PDE6B: variants seen among roughly 807,000 people sequenced by gnomAD.
PDE6B encodes the protein phosphodiesterase 6B.
Under a neutral mutation model 109.0 loss-of-function variants are expected in PDE6B, and 106 were observed. The ratio of observed to expected loss-of-function variants is 0.97; its 90% CI spans 0.83 to 1.14. PDE6B has a LOEUF of 1.14. Ranked by LOEUF, PDE6B falls within the 50% of genes most tolerant of loss-of-function variation. The probability of loss-of-function intolerance (pLI) is 0.00; values close to 1 mark genes in which losing one functional copy is unlikely to be tolerated. For synonymous variants in PDE6B, 490 were observed against 471.3 expected (o/e 1.04, Z -0.51); for missense variants, 1,193 against 1,155.6 (o/e 1.03, Z -0.47).
intron 3 of PDE6B, among the ~76,000 whole-genome samples, chr4:644,271 T>C (rs1237084227): frequency 6.6e-6 from 1 of 151,984 alleles, no homozygotes; most frequent in Admixed American, 6.6e-5. Flanking sequence ...TATTTGGAAG[T>C]GTGTTGTTAA....
At chr4:654,268 C>T (rs750688540) in intron 5 of PDE6B, 114 bp downstream of exon 5, 3 of 927,014 alleles carry the variant, frequency 3.2e-6, no homozygotes, top group Non-Finnish European at 5.1e-6. Context: ...TGGGAACTGG[C>T]CGGTGGGACC....
chr4:637,747 T>C (rs1296905907), intron 3 of PDE6B, among the ~76,000 whole-genome samples: 2 of 152,220 alleles, frequency 1.3e-5, no homozygotes, highest in African/African-American at 2.4e-5. Context: ...GTCCCCTGCG[T>C]GTGCGCAGAG....
In PDE6B at chr4:654,806, G is replaced by GTGTCTTCTGCTTCTCAGGACAT; in HGVS notation, c.929_930insCATTGTCTTCTGCTTCTCAGGA. On this transcript the variant is annotated splice_polypyrimidine_tract_variant and intron_variant, in intron 5 of 21. Coordinates refer to ENST00000496514, the MANE Select transcript of PDE6B (RefSeq NM_000283.4). The stretch of plus-strand genomic sequence containing the variant: ...GCTTGGCCAGGCAGCCCCCCGACCA[G>GTGTCTTCTGCTTCTCAGGACAT]TGTCTTCTGCTTCTCAGGAAATTGT... 1 of 1,412,084 alleles carries GTGTCTTCTGCTTCTCAGGACAT rather than the reference G, an allele frequency of 7.1e-7. No individual in the cohort carries two copies. 87.5% of individuals were successfully genotyped at this position (1,412,084 alleles called of 1,614,324 possible).
At chr4:649,308 A>G (rs1287507229) in intron 3 of PDE6B, among the ~76,000 whole-genome samples, 3 of 152,134 alleles carry the variant, frequency 2.0e-5, no homozygotes, top group African/African-American at 7.2e-5. Context: ...ATGCCTGAGG[A>G]TTCAACAACC....
At chr4:664,807 A>C in intron 17 of PDE6B, 74 bp from the exon 18 acceptor site, 1 of 1,200,332 alleles carries the variant, frequency 8.3e-7, no homozygotes, top group Non-Finnish European at 1.2e-6. Context: ...CTCCATCTCA[A>C]AAAAGAAAAC....
At chr4:643,018 G>T (rs1409523193) in intron 3 of PDE6B, among the ~76,000 whole-genome samples, 1 of 151,820 alleles carries the variant, frequency 6.6e-6, no homozygotes, top group East Asian at 1.9e-4. Context: ...TAAGAATTTT[G>T]GCATCTATAA....
At chr4:649,339 G>T (rs941985290) in intron 3 of PDE6B, among the ~76,000 whole-genome samples, 3 of 152,180 alleles carry the variant, frequency 2.0e-5, no homozygotes, top group Non-Finnish European at 2.9e-5. Flanking sequence ...AGCTCACCAT[G>T]AGATGAAGCC....
rs1392709495 is a variant in PDE6B at position 656,926 on chromosome 4, C to T, written c.1160C>T (p.Pro387Leu). Residue 387 changes from proline (P) to leucine (L), a missense_variant, in exon 9 of 22, where the codon CCC becomes CTC. Physicochemically the swap from Pro to Leu is moderately conservative, Grantham distance 98. Coordinates refer to ENST00000496514, the MANE Select transcript of PDE6B (RefSeq NM_000283.4). ...CTCATCAAGAATGTGCTGTCCATGCCCATCGTCAACAAGAAGGAGGAGATT... is the reference window on the plus strand; with the variant it reads ...CTCATCAAGAATGTGCTGTCCATGCTCATCGTCAACAAGAAGGAGGAGATT... Reference protein sequence around the residue: ...GWLIKNVLSMPIVNKKEEIVG... With the variant: ...GWLIKNVLSMLIVNKKEEIVG... The T allele has an allele frequency of 6.2e-7, 1 of 1,612,900 alleles. No homozygotes were observed. The highest frequency in any genetic ancestry group is 1.1e-5 in the South Asian group (1 of 91,090).
chr4:642,551 C>T (rs527488275), intron 3 of PDE6B, among the ~76,000 whole-genome samples: 77 of 151,738 alleles, frequency 5.1e-4, no homozygotes, highest in South Asian at 2.5e-3. Context: ...CCCAGCACTC[C>T]GGAAGGCTAA....
intron 2 of PDE6B, 142 bp from the exon 3 acceptor site, chr4:635,738 C>T (rs2109136835): frequency 1.4e-6 from 1 of 703,020 alleles, no homozygotes; most frequent in South Asian, 1.5e-5. Flanking sequence ...TTGTGTGTGC[C>T]AATCCATGTC....
chr4:646,630 T>G (rs571366041), intron 3 of PDE6B, among the ~76,000 whole-genome samples: 1 of 152,160 alleles, frequency 6.6e-6, no homozygotes, highest in East Asian at 1.9e-4. Context: ...CTCCGCTCGC[T>G]CCGCTCGTGG....
chr4:646,149 C>T (rs1342386030), intron 3 of PDE6B, among the ~76,000 whole-genome samples: 1 of 152,052 alleles, frequency 6.6e-6, no homozygotes, highest in African/African-American at 2.4e-5. Flanking sequence ...CTTCTTTGAA[C>T]ATTTTCTGCT....
intron 3 of PDE6B, chr4:653,406 G>A (rs917842864): frequency 3.4e-5 from 33 of 968,652 alleles, no homozygotes; most frequent in African/African-American, 2.9e-4. Context: ...CCAGGACCTC[G>A]TGGAGTGCGT....
chr4:646,617 C>G (rs928721659), intron 3 of PDE6B, among the ~76,000 whole-genome samples: 3 of 152,086 alleles, frequency 2.0e-5, no homozygotes, highest in African/African-American at 4.8e-5. Flanking sequence ...ATTTGTCTCT[C>G]TGCTCCGCTC....
chr4:654,941 A>C, intron 6 of PDE6B, 53 bp downstream of exon 6: 1 of 1,026,248 alleles, frequency 9.7e-7, no homozygotes, highest in Non-Finnish European at 1.6e-6. Context: ...CGCCCCTCAG[A>C]CCCCGGCTCA....
chr4:659,010 A>G lies in PDE6B; in HGVS notation c.1460A>G (p.Glu487Gly), dbSNP rs1736707671. 1.2e-6 allele frequency: 2 copies of G among 1,612,902 alleles called. No homozygotes were observed. The highest frequency in any genetic ancestry group is 1.1e-5 in the South Asian group (1 of 91,066). The change falls in exon 11 of 22, where the codon GAA becomes GGA. Residue 487 changes from glutamate (E) to glycine (G), a missense_variant. Transcript: ENST00000496514. ...GACTGCGATGAGGACGAGCTGGGCG[A>G]AATCCTGGTAAGAACCTTGCTCCCG... ...PADCDEDELG[E>G]ILKEELPGPT...
intron 1 of PDE6B, among the ~76,000 whole-genome samples, chr4:627,102 T>C (rs908059022): frequency 6.6e-6 from 1 of 151,782 alleles, no homozygotes; most frequent in Non-Finnish European, 1.5e-5. Flanking sequence ...TGGTCCCTCC[T>C]TCCCAGGCAG....
At chr4:643,341 A>G (rs889733207) in intron 3 of PDE6B, among the ~76,000 whole-genome samples, 1 of 152,072 alleles carries the variant, frequency 6.6e-6, no homozygotes, top group Non-Finnish European at 1.5e-5. Flanking sequence ...TTTTGCATCT[A>G]TATTCATGAG....
intron 3 of PDE6B, chr4:653,020 A>G (rs771888176): frequency 2.8e-5 from 6 of 213,346 alleles, no homozygotes; most frequent in Non-Finnish European, 4.8e-5. Flanking sequence ...TCAACTGAAG[A>G]TAAACTAAAA....
Sources: gnomAD v4.1 joint callset for allele counts (sites outside exome capture counted in the v4.1 genomes callset) on GRCh38, gnomAD v4.1.1 for gene constraint, MANE v1.5 for transcripts, NCBI Gene and HGNC (gene_info 2026-07-23, HGNC 2026-07-21) for gene names.